The following BRINP1 variants were observed in gnomAD, a reference collection of about 807,000 sequenced individuals.
BRINP1 encodes BMP/retinoic acid-inducible neural-specific protein 1.
BRINP1 carries 17 observed loss-of-function variants against 72.9 expected under a neutral mutation model. That is an observed-to-expected ratio of 0.23 (90% CI 0.16 to 0.35). The LOEUF (loss-of-function observed/expected upper bound fraction) is 0.35, where lower values mean the gene tolerates loss of function less well. Among genes scored for constraint, BRINP1 ranks in the 10% least tolerant of loss-of-function variants. The probability of loss-of-function intolerance (pLI) is 1.00; values close to 1 mark genes in which losing one functional copy is unlikely to be tolerated. For missense variants in BRINP1, 850 were observed against 1,001.6 expected (o/e 0.85, Z 2.04); for synonymous variants, 418 against 378.5 (o/e 1.10, Z -1.21).
chr9:119,252,030 G>T (rs1830395117), intron 2 of BRINP1, among the ~76,000 whole-genome samples: 1 of 151,982 alleles, frequency 6.6e-6, no homozygotes, highest in Non-Finnish European at 1.5e-5. Flanking sequence ...CTGGCTCTCT[G>T]TTCCCTCTCT....
At chr9:119,296,574 T>C (rs1455311950) in intron 2 of BRINP1, among the ~76,000 whole-genome samples, 1 of 152,180 alleles carries the variant, frequency 6.6e-6, no homozygotes, top group African/African-American at 2.4e-5. Flanking sequence ...CTCATGTCCA[T>C]TGCAGAGTTT....
chr9:119,173,983 C>T (rs1302777786), intron 7 of BRINP1, among the ~76,000 whole-genome samples: 1 of 117,938 alleles, frequency 8.5e-6, no homozygotes, highest in East Asian at 2.1e-4. Context: ...ATACAAAAAT[C>T]AATTCAAGAT....
chr9:119,323,140 C>T (rs1440210267), intron 1 of BRINP1, among the ~76,000 whole-genome samples: 1 of 152,146 alleles, frequency 6.6e-6, no homozygotes, highest in East Asian at 1.9e-4. Flanking sequence ...CTCTAAACTT[C>T]TCATGGGCAG....
At chr9:119,294,853 TAAAA>T (rs59715609) in intron 2 of BRINP1, among the ~76,000 whole-genome samples, 7 of 128,016 alleles carry the variant, frequency 5.5e-5, no homozygotes, top group Admixed American at 8.2e-5. Flanking sequence ...GACACTACGT[TAAAA>T]AAAAAAAAAA....
In BRINP1 at chr9:119,314,805, A is replaced by T. The variant is rs373513852; in HGVS notation, c.-50-1400T>A. ...TCTGCAAAATGTGGTTAATAATAGC[A>T]CCTACACTCAGAACCAAGATGACAA... On this transcript the variant is annotated intron_variant, in intron 1 of 7. Transcript: ENST00000265922. Among the ~76,000 whole-genome samples the T allele has an allele frequency of 4.6e-5, 7 of 152,290 alleles. No homozygotes were observed. The East Asian group carries it at 1.4e-3, about 29-fold the overall frequency.
intron 3 of BRINP1, among the ~76,000 whole-genome samples, chr9:119,244,758 G>A (rs189093279): frequency 6.1e-4 from 93 of 152,316 alleles, no homozygotes; most frequent in African/African-American, 1.9e-3. Context: ...TTAAGAGAAT[G>A]TTCTGTTTAG....
intron 1 of BRINP1, among the ~76,000 whole-genome samples, chr9:119,343,104 G>T (rs1043058373): frequency 2.6e-5 from 4 of 152,180 alleles, no homozygotes; most frequent in Admixed American, 2.6e-4. Context: ...ATTATTATTA[G>T]AACATAGTGT....
intron 1 of BRINP1, among the ~76,000 whole-genome samples, chr9:119,346,058 G>A (rs1232940869): frequency 6.6e-6 from 1 of 152,078 alleles, no homozygotes; most frequent in Non-Finnish European, 1.5e-5. Context: ...CTGATGCCTT[G>A]ACGGTAGGAT....
intron 1 of BRINP1, among the ~76,000 whole-genome samples, chr9:119,365,844 C>T (rs1441632962): frequency 3.3e-5 from 5 of 151,886 alleles, no homozygotes; most frequent in Admixed American, 1.3e-4. Context: ...GTCACAGCTC[C>T]CCCTTCTGGG....
rs557265377 is a variant in BRINP1, at chr9:119,229,618, G to A, written c.685+9037C>T. Among the ~76,000 whole-genome samples the A allele has an allele frequency of 7.6e-4, 116 of 152,228 alleles. 1 individual carries two copies. The highest frequency in any genetic ancestry group is 4.3e-3 in the Admixed American group (65 of 15,282). ...CTTCTCAGAAGAGGTGGCATTTGGA[G>A]AATTCAATGGTATGACCCTTCCTGG... On this transcript the variant is annotated intron_variant, in intron 5 of 7. Coordinates refer to ENST00000265922, the MANE Select transcript of BRINP1 (RefSeq NM_014618.3).
chr9:119,252,420 GAA>G (rs1255667151), intron 2 of BRINP1, among the ~76,000 whole-genome samples: 1 of 151,846 alleles, frequency 6.6e-6, no homozygotes, highest in Non-Finnish European at 1.5e-5. Context: ...TATCTCTGAG[GAA>G]AAGAGTATTT....
chr9:119,295,641 T>C (rs565827704), intron 2 of BRINP1, among the ~76,000 whole-genome samples: 5 of 151,080 alleles, frequency 3.3e-5, no homozygotes, highest in Non-Finnish European at 3.0e-5. Context: ...GTCACTGCAT[T>C]ACAAAGCTAC....
intron 2 of BRINP1, among the ~76,000 whole-genome samples, chr9:119,291,767 A>T (rs757110177): frequency 6.6e-6 from 1 of 152,158 alleles, no homozygotes; most frequent in Non-Finnish European, 1.5e-5. Context: ...TGTCTCCCAG[A>T]AGTAGGTGGG....
At chr9:119,367,221 G>GTGTGTGATATATATATATATAT (rs1564259756) in intron 1 of BRINP1, among the ~76,000 whole-genome samples, 1 of 99,850 alleles carries the variant, frequency 1.0e-5, no homozygotes, top group Non-Finnish European at 1.9e-5. Flanking sequence ...GTGTGTGATT[G>GTGTGTGATATATATATATATAT]ATATATATAT....
At chr9:119,201,872 C>A (rs183294737) in intron 7 of BRINP1, among the ~76,000 whole-genome samples, 1 of 152,276 alleles carries the variant, frequency 6.6e-6, no homozygotes, top group Admixed American at 6.5e-5. Flanking sequence ...CTTTGTGCTT[C>A]TTTTCTTCCT....
chr9:119,329,570 C>A (rs1042932295), intron 1 of BRINP1, among the ~76,000 whole-genome samples: 1 of 152,182 alleles, frequency 6.6e-6, no homozygotes, highest in Admixed American at 6.5e-5. Context: ...TCAAGGTTCT[C>A]CTCACACCAT....
rs1829885638 is a variant in BRINP1, at chr9:119,208,711, A to G, written c.1145+8T>C. ...GCCTGCAGAGGTGGAGGTGGTGGCA[A>G]CACTTACCTCTCTCTAGGCAGCTGG... On this transcript the variant is annotated splice_region_variant and intron_variant, in intron 7 of 7. Coordinates refer to ENST00000265922, the MANE Select transcript of BRINP1 (RefSeq NM_014618.3). 12 of 1,612,240 alleles carry G rather than the reference A, an allele frequency of 7.4e-6. No homozygotes were observed. Among genetic ancestry groups the G allele is most frequent in the Non-Finnish European group, 1.0e-5 (12 of 1,179,766 alleles).
chr9:119,309,741 T>A (rs1161293687), intron 2 of BRINP1, among the ~76,000 whole-genome samples: 1 of 152,276 alleles, frequency 6.6e-6, no homozygotes, highest in African/African-American at 2.4e-5. Context: ...AAGATCATTG[T>A]TTCATTATTC....
chr9:119,181,312 A>C (rs1185105591), intron 7 of BRINP1, among the ~76,000 whole-genome samples: 6 of 152,202 alleles, frequency 3.9e-5, no homozygotes, highest in Admixed American at 3.9e-4. Context: ...AATAATGGTC[A>C]TCTAGATCTA....
Sources: allele counts gnomAD v4.1 joint callset (sites outside exome capture counted in the v4.1 genomes callset), GRCh38; gene constraint gnomAD v4.1.1; transcripts MANE v1.5; gene names NCBI Gene and HGNC (gene_info 2026-07-23, HGNC 2026-07-21).